Variants in VPS13B observed in about 807,000 individuals in gnomAD.
The protein encoded by VPS13B is intermembrane lipid transfer protein VPS13B.
Under a neutral mutation model 426.4 loss-of-function variants are expected in VPS13B, and 285 were observed. That is an observed-to-expected ratio of 0.67 (90% CI 0.61 to 0.74). VPS13B has a LOEUF of 0.74. Ranked by LOEUF, VPS13B falls within the 30% of genes least tolerant of loss-of-function variation. VPS13B has a pLI of 0.00. For missense variants in VPS13B, 4,537 were observed against 4,782.6 expected, an observed-to-expected ratio of 0.95 and a Z score of 1.51; for synonymous variants, 1,676 against 1,676.4, an observed-to-expected ratio of 1.00 and a Z score of 0.01.
At chr8:99,798,539 G>T (rs1812972733) in intron 43 of VPS13B, among the ~76,000 whole-genome samples, 1 of 152,152 alleles carries the variant, frequency 6.6e-6, no homozygotes, top group Non-Finnish European at 1.5e-5. Context: ...AAATGGCAAA[G>T]ATAGGATTGT....
chr8:99,020,830 T>G (rs1471338534), intron 2 of VPS13B, among the ~76,000 whole-genome samples: 2 of 152,216 alleles, frequency 1.3e-5, no homozygotes, highest in African/African-American at 2.4e-5. Context: ...ATCACACTGT[T>G]TGGATTATTG....
At chr8:99,417,030 A>T (rs938509590) in intron 21 of VPS13B, among the ~76,000 whole-genome samples, 1 of 152,166 alleles carries the variant, frequency 6.6e-6, no homozygotes, top group African/African-American at 2.4e-5. Context: ...GAGCCCTAGT[A>T]TGTGGTAAAT....
intron 39 of VPS13B, among the ~76,000 whole-genome samples, chr8:99,748,949 G>T (rs1248854611): frequency 6.6e-6 from 1 of 151,966 alleles, no homozygotes; most frequent in Non-Finnish European, 1.5e-5. Flanking sequence ...GAATTTAAAT[G>T]ACTGAATTTA....
At chr8:99,234,374 T>C in intron 17 of VPS13B, 4 of 725,072 alleles carry the variant, frequency 5.5e-6, no homozygotes, top group South Asian at 1.4e-5. Flanking sequence ...AGGAGGTATG[T>C]TTCAAATCTG....
In VPS13B at chr8:99,421,934, A is replaced by G. The variant is rs184681472; in HGVS notation, c.3083-9603A>G. Among the ~76,000 whole-genome samples the G allele has an allele frequency of 8.9e-4, 136 of 152,240 alleles. 2 individuals are homozygous for G. The highest frequency in any genetic ancestry group is 2.5e-3 in the South Asian group (12 of 4,830). ...TGGGTTCAAGCAATTTGCCTGCCTC[A>G]GCCTCCCAAGGTGCTGGGATTACAG... On this transcript the variant is annotated intron_variant, in intron 21 of 61. Transcript: ENST00000357162.
chr8:99,103,538 G>C (rs1411875903), intron 5 of VPS13B, among the ~76,000 whole-genome samples: 1 of 120,904 alleles, frequency 8.3e-6, no homozygotes, highest in Admixed American at 1.1e-4. Context: ...TTGCTCTGTC[G>C]CCCAGGCTGG....
At chr8:99,775,213 C>G (rs1379970175) in intron 40 of VPS13B, among the ~76,000 whole-genome samples, 2 of 152,088 alleles carry the variant, frequency 1.3e-5, no homozygotes, top group East Asian at 3.9e-4. Context: ...TATTGAGTAT[C>G]ACCAGTTAGA....
intron 30 of VPS13B, among the ~76,000 whole-genome samples, chr8:99,531,076 G>C (rs117000293): frequency 2.0e-5 from 3 of 152,126 alleles, no homozygotes; most frequent in Non-Finnish European, 2.9e-5. Context: ...ACCATTTGTA[G>C]TGCATTCTCC....
intron 33 of VPS13B, among the ~76,000 whole-genome samples, chr8:99,628,297 C>G (rs951170609): frequency 6.6e-6 from 1 of 152,148 alleles, no homozygotes; most frequent in Non-Finnish European, 1.5e-5. Flanking sequence ...GTTCCAGCAC[C>G]TTGCAAATGG....
chr8:99,749,333 T>C (rs1375493218), intron 39 of VPS13B, among the ~76,000 whole-genome samples: 2 of 152,042 alleles, frequency 1.3e-5, no homozygotes, highest in Non-Finnish European at 2.9e-5. Context: ...CTAGATCTTT[T>C]TCATTCTAAC....
At chr8:99,821,160 A>ACACC (rs1177367558) in intron 49 of VPS13B, 134 bp from the exon 50 acceptor site, 1 of 624,590 alleles carries the variant, frequency 1.6e-6, no homozygotes, top group African/African-American at 2.0e-5. Context: ...ACACACACAC[A>ACACC]CACACACCAT....
rs115916889 is a variant in VPS13B at position 99,196,307 on chromosome 8, T to G, written c.2515+3250T>G. 1.5e-3 allele frequency among the ~76,000 whole-genome samples: 226 copies of G among 152,256 alleles called. 1 individual carries two copies. Among genetic ancestry groups the G allele is most frequent in the African/African-American group, 5.2e-3 (215 of 41,570 alleles). ...ATCCACATATTTTTGTTTTTGCTGT[T>G]ATAAATGGGATTGTTTTCCTAAATT... On this transcript the variant is annotated intron_variant, in intron 17 of 61. Transcript: ENST00000357162.
chr8:99,741,653 A>T (rs1220604547), intron 39 of VPS13B, among the ~76,000 whole-genome samples: 1 of 152,226 alleles, frequency 6.6e-6, no homozygotes, highest in Non-Finnish European at 1.5e-5. Flanking sequence ...TCAAACTAGA[A>T]CTCAGGATTA....
At chr8:99,279,163 T>A (rs1463592853) in intron 19 of VPS13B, among the ~76,000 whole-genome samples, 1 of 152,118 alleles carries the variant, frequency 6.6e-6, no homozygotes, top group African/African-American at 2.4e-5. Flanking sequence ...CACTTGAGCC[T>A]GGGAGGCAGA....
At chr8:99,157,672 T>C (rs1811433555) in intron 15 of VPS13B, among the ~76,000 whole-genome samples, 1 of 152,178 alleles carries the variant, frequency 6.6e-6, no homozygotes, top group Admixed American at 6.5e-5. Context: ...GTCCCATAAC[T>C]CTACTTTAAA....
chr8:99,307,562 A>G (rs1216771567), intron 19 of VPS13B, among the ~76,000 whole-genome samples: 2 of 152,122 alleles, frequency 1.3e-5, no homozygotes, highest in Admixed American at 6.6e-5. Flanking sequence ...ATATAATTTC[A>G]TTTAGTTATT....
intron 17 of VPS13B, among the ~76,000 whole-genome samples, chr8:99,255,429 C>T (rs975607441): frequency 1.3e-5 from 2 of 152,022 alleles, no homozygotes; most frequent in African/African-American, 2.4e-5. Flanking sequence ...GTTTTTGGTA[C>T]GATGAGTGAT....
At chr8:99,683,490 G>A (rs1036207469) in intron 35 of VPS13B, among the ~76,000 whole-genome samples, 3 of 151,954 alleles carry the variant, frequency 2.0e-5, no homozygotes, top group Non-Finnish European at 4.4e-5. Flanking sequence ...GTATGTGTAT[G>A]GTATGTCTCT....
intron 2 of VPS13B, among the ~76,000 whole-genome samples, chr8:99,027,271 GTTA>G (rs1554571948): frequency 1.3e-5 from 2 of 151,060 alleles, no homozygotes; most frequent in Non-Finnish European, 2.9e-5. Context: ...TACATTCAAG[GTTA>G]TTATTGATAG....
Sources: allele counts gnomAD v4.1 joint callset (sites outside exome capture counted in the v4.1 genomes callset), GRCh38; gene constraint gnomAD v4.1.1; transcripts MANE v1.5; gene names NCBI Gene and HGNC (gene_info 2026-07-23, HGNC 2026-07-21).